GEMIN8: variants seen among roughly 807,000 people sequenced by gnomAD.
GEMIN8 encodes the protein gem nuclear organelle associated protein 8.
For missense variants in GEMIN8, 185 were observed against 205.9 expected (o/e 0.90, Z 0.62); for synonymous variants, 80 against 78.5 (o/e 1.02, Z -0.10).
chrX:14,021,083 C>G (rs1370835954), intron 3 of GEMIN8, among the ~76,000 whole-genome samples: 1 of 110,545 alleles, frequency 9.0e-6, no homozygotes, highest in Non-Finnish European at 1.9e-5. Flanking sequence ...TAGGTCTTCT[C>G]CATCGTGCAA....
intron 2 of GEMIN8, among the ~76,000 whole-genome samples, chrX:14,022,048 G>GTA (rs200349028): frequency 0.024 from 2,387 of 99,867 alleles, 94 homozygotes; most frequent in South Asian, 0.19. Flanking sequence ...TATATAATGT[G>GTA]TATATATATG....
intron 4 of GEMIN8, among the ~76,000 whole-genome samples, chrX:14,017,145 G>A (rs778731245): frequency 9.1e-6 from 1 of 109,783 alleles, no homozygotes; most frequent in Admixed American, 9.9e-5. Flanking sequence ...TCATAGGTGA[G>A]GCAACTGAGG....
At chrX:14,013,290 G>T (rs1366170392) in intron 4 of GEMIN8, among the ~76,000 whole-genome samples, 1 of 112,319 alleles carries the variant, frequency 8.9e-6, no homozygotes, top group Non-Finnish European at 1.9e-5. Context: ...ATGAACAGTT[G>T]CCTTGTCATG....
intron 4 of GEMIN8, 91 bp from the exon 5 acceptor site, chrX:14,009,260 C>G: frequency 2.2e-6 from 2 of 898,572 alleles, no homozygotes; most frequent in Admixed American, 5.1e-5. Flanking sequence ...GCTGGCCATG[C>G]CATCTGCAGC....
intron 4 of GEMIN8, among the ~76,000 whole-genome samples, chrX:14,015,103 C>A (rs191743598): frequency 1.8e-5 from 2 of 111,523 alleles, no homozygotes; most frequent in East Asian, 5.6e-4. Context: ...TGAGCCAACA[C>A]CCTCAAAACA....
the GEMIN8 span, among the ~76,000 whole-genome samples, chrX:13,989,442 A>T: frequency 6.3e-5 from 7 of 111,983 alleles, no homozygotes; most frequent in Non-Finnish European, 1.1e-4. Flanking sequence ...TAGTGTTTTT[A>T]AAAAAATTGT....
chrX:13,999,694 T>C, the GEMIN8 span, among the ~76,000 whole-genome samples: 1 of 112,233 alleles, frequency 8.9e-6, no homozygotes, highest in Non-Finnish European at 1.9e-5. Flanking sequence ...TCAGTCTTTC[T>C]TTGCCTTTTG....
intron 4 of GEMIN8, among the ~76,000 whole-genome samples, chrX:14,012,220 C>T (rs1402930432): frequency 1.9e-5 from 2 of 107,888 alleles, no homozygotes; most frequent in Admixed American, 9.9e-5. Context: ...TGGGCTCAAG[C>T]GATCCTCCCA....
At chrX:13,985,523 T>C in the GEMIN8 span, among the ~76,000 whole-genome samples, 1 of 112,177 alleles carries the variant, frequency 8.9e-6, no homozygotes. Flanking sequence ...GTTCTTAATA[T>C]AACCTAACAA....
At chrX:14,026,436 G>A in intron 1 of GEMIN8, 1 of 736,007 alleles carries the variant, frequency 1.4e-6, no homozygotes, top group South Asian at 6.9e-5. Flanking sequence ...AGGCCTATAG[G>A]CAAGGCAGAG....
intron 2 of GEMIN8, among the ~76,000 whole-genome samples, chrX:14,024,331 T>C (rs1004795743): frequency 1.8e-5 from 2 of 111,159 alleles, no homozygotes; most frequent in Non-Finnish European, 3.8e-5. Context: ...AAACCCCATG[T>C]CTACTAAAAA....
the GEMIN8 span, among the ~76,000 whole-genome samples, chrX:13,997,266 G>A: frequency 1.2e-3 from 128 of 111,040 alleles, no homozygotes; most frequent in South Asian, 8.8e-3. Context: ...TTGCTTTTGG[G>A]ACCCTTGTTA....
In GEMIN8 at chrX:14,029,879, T is replaced by C. The variant is rs1454346413; in HGVS notation, c.-218A>G. ...GTGGGGGACGCGAGGGAGGCGGCTG[T>C]TGCCGGGGCGACTGGAAGCGCGCTT... On this transcript the variant is annotated 5_prime_UTR_variant, in exon 1 of 5. Transcript: ENST00000680255. 8.8e-6 allele frequency: 1 copy of C among 113,413 alleles called. No homozygotes were observed. Among genetic ancestry groups the C allele is most frequent in the African/African-American group, 3.2e-5 (1 of 31,293 alleles). The allele number at this position is 113,413 out of a possible 1,213,427, so 9.3% of individuals were successfully genotyped here.
the GEMIN8 span, among the ~76,000 whole-genome samples, chrX:13,992,698 T>C: frequency 9.0e-6 from 1 of 111,181 alleles, no homozygotes; most frequent in Non-Finnish European, 1.9e-5. Context: ...ATGAGAGAAA[T>C]GGGTGAGTAG....
the GEMIN8 span, among the ~76,000 whole-genome samples, chrX:13,985,791 T>C: frequency 1.8e-5 from 2 of 111,474 alleles, no homozygotes. Context: ...TTTTGTGACC[T>C]AGAGAGACAC....
intron 2 of GEMIN8, among the ~76,000 whole-genome samples, chrX:14,022,337 A>T (rs1342146142): frequency 1.8e-5 from 2 of 110,260 alleles, no homozygotes; most frequent in African/African-American, 6.6e-5. Context: ...TTTCATTTTG[A>T]TTGCAATATG....
the GEMIN8 span, among the ~76,000 whole-genome samples, chrX:13,989,088 T>G: frequency 9.1e-6 from 1 of 110,438 alleles, no homozygotes; most frequent in Non-Finnish European, 1.9e-5. Flanking sequence ...AAAACTCTTC[T>G]CTTTTTAATT....
the GEMIN8 span, among the ~76,000 whole-genome samples, chrX:13,990,396 C>T: frequency 1.8e-5 from 2 of 112,840 alleles, no homozygotes; most frequent in East Asian, 2.8e-4. Flanking sequence ...TCAGAATCAT[C>T]CCACCCAAGA....
At chrX:13,987,805 T>C in the GEMIN8 span, among the ~76,000 whole-genome samples, 2 of 111,831 alleles carry the variant, frequency 1.8e-5, no homozygotes, top group Non-Finnish European at 3.8e-5. Context: ...AATCATTTTA[T>C]ATAGCAAGAA....
Sources: gnomAD v4.1 joint callset for allele counts (sites outside exome capture counted in the v4.1 genomes callset) on GRCh38, gnomAD v4.1.1 for gene constraint, MANE v1.5 for transcripts, NCBI Gene and HGNC (gene_info 2026-07-23, HGNC 2026-07-21) for gene names.